The following CFAP300 variants were observed in gnomAD, a reference collection of about 807,000 sequenced individuals.
CFAP300 encodes cilia- and flagella-associated protein 300.
Under a neutral mutation model 33.0 loss-of-function variants are expected in CFAP300, and 32 were observed. That is an observed-to-expected ratio of 0.97 (90% CI 0.73 to 1.30). The LOEUF is 1.30. Among genes scored for constraint, CFAP300 ranks in the 50% most tolerant of loss-of-function variants. The pLI, the probability that CFAP300 is intolerant of heterozygous loss-of-function variation, is 0.00. For synonymous variants in CFAP300, 102 were observed against 106.8 expected, an observed-to-expected ratio of 0.95 and a Z score of 0.28; for missense variants, 356 against 318.1, an observed-to-expected ratio of 1.12 and a Z score of -0.90.
chr11:102,069,328 T>C (rs1942275031), intron 4 of CFAP300, among the ~76,000 whole-genome samples: 1 of 152,176 alleles, frequency 6.6e-6, no homozygotes, highest in South Asian at 2.1e-4. Context: ...CAGATTGTAT[T>C]GCCTCACTGT....
chr11:102,059,263 T>A (rs1942105351), intron 3 of CFAP300, among the ~76,000 whole-genome samples: 1 of 151,292 alleles, frequency 6.6e-6, no homozygotes, highest in Non-Finnish European at 1.5e-5. Flanking sequence ...CTGTACTAAA[T>A]GAACTTGATA....
intron 3 of CFAP300, among the ~76,000 whole-genome samples, chr11:102,062,114 G>A (rs1942156997): frequency 6.6e-6 from 1 of 152,148 alleles, no homozygotes; most frequent in African/African-American, 2.4e-5. Flanking sequence ...ATAATAAGAA[G>A]TAAAAGCACT....
intron 3 of CFAP300, among the ~76,000 whole-genome samples, chr11:102,063,445 A>G (rs1422591375): frequency 1.3e-5 from 2 of 152,208 alleles, no homozygotes; most frequent in Non-Finnish European, 2.9e-5. Context: ...ATTTTGCCTT[A>G]GCATGAATCA....
In CFAP300 at chr11:102,048,898, A is replaced by G. The variant is rs1394358622; in HGVS notation, c.192+1002A>G. ...TGCCATTCATGTCCTTCATGCATTG[A>G]CTGTAGTTTATAGTTTGGCATAACA... On this transcript the variant is annotated intron_variant, in intron 2 of 6. Coordinates refer to ENST00000434758, the MANE Select transcript of CFAP300 (RefSeq NM_032930.3). Among the ~76,000 whole-genome samples, 4 of 152,028 alleles carry G rather than the reference A, an allele frequency of 2.6e-5. No homozygotes were observed. In the East Asian group the frequency reaches 7.7e-4, roughly 29 times the overall value.
chr11:102,079,966 T>G (rs547174607), intron 5 of CFAP300, among the ~76,000 whole-genome samples: 3 of 152,244 alleles, frequency 2.0e-5, no homozygotes, highest in African/African-American at 7.2e-5. Context: ...TGTGTGATCT[T>G]TAAATGAGGT....
chr11:102,048,031 C>A, intron 2 of CFAP300, 135 bp downstream of exon 2: 1 of 762,540 alleles, frequency 1.3e-6, no homozygotes, highest in Non-Finnish European at 2.0e-6. Flanking sequence ...ATAAAAGGTG[C>A]AAATGATTTT....
intron 5 of CFAP300, among the ~76,000 whole-genome samples, chr11:102,078,854 G>A (rs779023595): frequency 1.1e-4 from 16 of 152,150 alleles, no homozygotes; most frequent in Middle Eastern, 3.4e-3. Context: ...GACTACAGGC[G>A]CATGCCACCA....
intron 4 of CFAP300, among the ~76,000 whole-genome samples, chr11:102,069,262 A>C (rs1565394759): frequency 6.6e-6 from 1 of 152,168 alleles, no homozygotes; most frequent in Non-Finnish European, 1.5e-5. Context: ...ATAAAAAATA[A>C]AACTAACATC....
intron 4 of CFAP300, among the ~76,000 whole-genome samples, chr11:102,068,232 A>G (rs1942257658): frequency 6.6e-6 from 1 of 152,216 alleles, no homozygotes; most frequent in African/African-American, 2.4e-5. Flanking sequence ...GAGACGTACA[A>G]GTCTGATGTA....
Position 102,067,345 on chromosome 11 carries a change from A to C in CFAP300, c.435+694A>C, listed in dbSNP as rs148209026. 2.2e-3 allele frequency among the ~76,000 whole-genome samples: 336 copies of C among 152,272 alleles called. 1 individual carries two copies. Among genetic ancestry groups the C allele is most frequent in the Non-Finnish European group, 3.6e-3 (242 of 68,022 alleles). ...TGCACTCCAACCTGGGCGACAGAGC[A>C]AGACCTTGTCTCAAAAATAAACTTA... On this transcript the variant is annotated intron_variant, in intron 4 of 6. Coordinates refer to ENST00000434758, the MANE Select transcript of CFAP300 (RefSeq NM_032930.3).
At chr11:102,063,154 A>G (rs1591319461) in intron 3 of CFAP300, among the ~76,000 whole-genome samples, 1 of 152,210 alleles carries the variant, frequency 6.6e-6, no homozygotes, top group African/African-American at 2.4e-5. Context: ...AGATTGGGCC[A>G]CCCGGAGCCT....
At chr11:102,082,980 G>A in intron 6 of CFAP300, 91 bp from the exon 7 acceptor site, 1 of 695,012 alleles carries the variant, frequency 1.4e-6, no homozygotes, top group African/African-American at 1.9e-5. Context: ...CTGGGCGACG[G>A]AGCAAGACTC....
At chr11:102,082,907 G>A (rs1055780805) in intron 6 of CFAP300, among the ~76,000 whole-genome samples, 164 bp from the exon 7 acceptor site, 1 of 152,154 alleles carries the variant, frequency 6.6e-6, no homozygotes, top group African/African-American at 2.4e-5. Context: ...TGAAGCAGGA[G>A]AATCACTTGA....
intron 4 of CFAP300, among the ~76,000 whole-genome samples, chr11:102,069,567 C>G (rs1389858288): frequency 6.6e-6 from 1 of 152,100 alleles, no homozygotes; most frequent in African/African-American, 2.4e-5. Context: ...CTTTGGGAGG[C>G]AGAGGCGGGT....
At chr11:102,065,724 G>A (rs1210442968) in intron 3 of CFAP300, among the ~76,000 whole-genome samples, 5 of 151,506 alleles carry the variant, frequency 3.3e-5, no homozygotes, top group Non-Finnish European at 7.4e-5. Context: ...CCGAGATCAC[G>A]CCATTGCACT....
intron 4 of CFAP300, among the ~76,000 whole-genome samples, chr11:102,073,726 C>T (rs905378523): frequency 6.6e-6 from 1 of 152,022 alleles, no homozygotes; most frequent in East Asian, 1.9e-4. Flanking sequence ...CAGCCCCCAG[C>T]AACAGTGGCC....
At chr11:102,058,585 T>C (rs550328055) in intron 2 of CFAP300, among the ~76,000 whole-genome samples, 16 of 149,698 alleles carry the variant, frequency 1.1e-4, no homozygotes, top group South Asian at 8.7e-4. Context: ...ATAAGCAAGA[T>C]TGAAGGAAAA....
At chr11:102,065,321 G>A (rs1591320640) in intron 3 of CFAP300, among the ~76,000 whole-genome samples, 1 of 151,856 alleles carries the variant, frequency 6.6e-6, no homozygotes, top group South Asian at 2.1e-4. Context: ...GGCCTGGCTG[G>A]TCTCAAACTC....
At chr11:102,065,224 A>G (rs1942204873) in intron 3 of CFAP300, among the ~76,000 whole-genome samples, 1 of 152,062 alleles carries the variant, frequency 6.6e-6, no homozygotes, top group Admixed American at 6.6e-5. Flanking sequence ...CTGGGATTAC[A>G]GGAGCCTGCC....
Sources: gnomAD v4.1 joint callset for allele counts (sites outside exome capture counted in the v4.1 genomes callset) on GRCh38, gnomAD v4.1.1 for gene constraint, MANE v1.5 for transcripts, NCBI Gene and HGNC (gene_info 2026-07-23, HGNC 2026-07-21) for gene names.